Variants in FMNL3 observed in about 807,000 individuals in gnomAD.
The protein encoded by FMNL3 is formin-like protein 3.
FMNL3 carries 57 observed loss-of-function variants against 119.6 expected under a neutral mutation model. The observed-to-expected ratio is 0.48, with a 90% confidence interval of 0.39 to 0.59. FMNL3 has a LOEUF of 0.59. FMNL3 is among the 20% of genes least tolerant of loss of function. FMNL3 has a pLI of 0.00. For synonymous variants in FMNL3, 491 were observed against 507.3 expected, an observed-to-expected ratio of 0.97 and a Z score of 0.43; for missense variants, 1,053 against 1,323.5, an observed-to-expected ratio of 0.80 and a Z score of 3.17.
In FMNL3 at chr12:49,641,839, A is replaced by G. The variant is rs1286725289; in HGVS notation, c.*3976T>C. 5 of 1,320,958 alleles carry G rather than the reference A, an allele frequency of 3.8e-6. No individual in the cohort carries two copies. Among genetic ancestry groups the G allele is most frequent in the Non-Finnish European group, 5.4e-6 (5 of 921,202 alleles). 81.8% of individuals were successfully genotyped at this position (1,320,958 alleles called of 1,614,324 possible). On this transcript the variant is annotated 3_prime_UTR_variant, in exon 26 of 26. Transcript: ENST00000335154. ...GGCCTTCTTGACCATCTGTAATGTGACCACTCTGCCTGCCAGCTTTGGCCT... is the reference window on the plus strand; with the variant it reads ...GGCCTTCTTGACCATCTGTAATGTGGCCACTCTGCCTGCCAGCTTTGGCCT...
At chr12:49,668,120 G>T (rs1943940226) in intron 2 of FMNL3, among the ~76,000 whole-genome samples, 1 of 152,190 alleles carries the variant, frequency 6.6e-6, no homozygotes. Flanking sequence ...CCTGCTATTT[G>T]CCAGGGCTAA....
At chr12:49,646,690 G>C (rs1464022647) in intron 25 of FMNL3, 196 bp downstream of exon 25, 30 of 1,537,732 alleles carry the variant, frequency 2.0e-5, no homozygotes, top group African/African-American at 2.7e-5. Context: ...ATGGTGGGCT[G>C]CATCACAGAA....
At chr12:49,668,771 T>TAG (rs1943959636) in intron 1 of FMNL3, among the ~76,000 whole-genome samples, 1 of 152,218 alleles carries the variant, frequency 6.6e-6, no homozygotes, top group Non-Finnish European at 1.5e-5. Flanking sequence ...AGAATCAATT[T>TAG]AATCAGTCAA....
chr12:49,691,957 C>T (rs1300926396), intron 1 of FMNL3, among the ~76,000 whole-genome samples: 1 of 149,684 alleles, frequency 6.7e-6, no homozygotes, highest in Non-Finnish European at 1.5e-5. Flanking sequence ...ATTGTTTGAA[C>T]CCGGGAGGTG....
In FMNL3 at chr12:49,666,141, T is replaced by C; in HGVS notation, c.277A>G (p.Ser93Gly). ...TCATACTTCACCTTCCGAGTTACAC[T>C]GGGGTCCAAGAAGCTCTGGAGTTTC... Reference protein sequence around the residue: ...IQKLQSFLDPSVTRKKFRRRV... With the variant: ...IQKLQSFLDPGVTRKKFRRRV... Residue 93 changes from serine to glycine, a missense_variant, in exon 3 of 26, where the codon AGT becomes GGT. By Grantham distance (56) the Ser-to-Gly change is moderately conservative. This residue lies in a region of FMNL3 where 264 missense variants were observed against 265.5 expected (regional missense o/e 0.99). Coordinates refer to ENST00000335154, the MANE Select transcript of FMNL3 (RefSeq NM_175736.5). 1 of 1,614,070 alleles carries C rather than the reference T, an allele frequency of 6.2e-7. No individual in the cohort carries two copies. Among genetic ancestry groups the C allele is most frequent in the South Asian group, 1.1e-5 (1 of 91,074 alleles).
intron 1 of FMNL3, among the ~76,000 whole-genome samples, chr12:49,679,810 C>T (rs1944290536): frequency 6.6e-6 from 1 of 152,142 alleles, no homozygotes; most frequent in Admixed American, 6.5e-5. Flanking sequence ...CGTAAGCCAC[C>T]ACACCCAGTG....
chr12:49,658,485 A>T lies in FMNL3; in HGVS notation c.562T>A (p.Phe188Ile). The change falls in exon 6 of 26, where the codon TTC (phenylalanine) becomes ATC (isoleucine). Residue 188 changes from phenylalanine (F) to isoleucine (I), a missense_variant. Physicochemically the swap from Phe to Ile is conservative, Grantham distance 21. Around this residue, in one of 4 missense-constraint regions of FMNL3, gnomAD observed 264 missense variants for 265.5 expected, o/e 0.99. Coordinates refer to ENST00000335154, the MANE Select transcript of FMNL3 (RefSeq NM_175736.5). The part of the protein sequence containing the change: ...LQPPSALSAP[F>I]TNSLARSARQ... ...GCAGAGCGAGCGAGGCTGTTGGTGA[A>T]GGGGGCCGACAGGGCGCTGGGTGGC... 1 of 1,613,016 alleles carries T rather than the reference A, an allele frequency of 6.2e-7. No individual in the cohort carries two copies. Among genetic ancestry groups the T allele is most frequent in the Non-Finnish European group, 8.5e-7 (1 of 1,179,402 alleles).
At position 49,665,810 on chromosome 12, in the gene FMNL3, C is replaced by G. The variant is rs772971053; in HGVS notation, c.368+22G>C. The G allele has an allele frequency of 7.4e-6, 12 of 1,613,302 alleles. No individual in the cohort carries two copies. The East Asian group carries it at 2.4e-4, about 33-fold the overall frequency. ...AGCAGCCTGGGGCCAGATGAAGAGG[C>G]TATACGGCCAATCCAACTCACCCAA... On this transcript the variant is annotated intron_variant, in intron 4 of 25. Transcript: ENST00000335154.
rs1446930979 is a variant in FMNL3, at chr12:49,707,037, G to C, written c.126+18C>G. The C allele has an allele frequency of 3.8e-6, 6 of 1,566,386 alleles. No individual in the cohort carries two copies. The highest frequency in any genetic ancestry group is 1.2e-5 in the South Asian group (1 of 85,424). ...TGAGGGGCGGTACGCGGGGGAAGGG[G>C]CTGGGCTCAGCTCTCACCAGCACCA... On this transcript the variant is annotated intron_variant, in intron 1 of 25. Coordinates refer to ENST00000335154, the MANE Select transcript of FMNL3 (RefSeq NM_175736.5).
chr12:49,683,355 C>T (rs1944383080), intron 1 of FMNL3, among the ~76,000 whole-genome samples: 1 of 152,188 alleles, frequency 6.6e-6, no homozygotes, highest in South Asian at 2.1e-4. Flanking sequence ...GGCCTCATCA[C>T]TTTTCCTTCT....
intron 1 of FMNL3, among the ~76,000 whole-genome samples, chr12:49,674,758 C>G (rs1006351790): frequency 6.6e-6 from 1 of 152,202 alleles, no homozygotes; most frequent in African/African-American, 2.4e-5. Flanking sequence ...GGCTCGGAAC[C>G]ATGTCTGGAG....
At chr12:49,668,158 G>C (rs1299739071) in intron 2 of FMNL3, among the ~76,000 whole-genome samples, 1 of 152,154 alleles carries the variant, frequency 6.6e-6, no homozygotes, top group Non-Finnish European at 1.5e-5. Flanking sequence ...ACAGTCCTTT[G>C]AGCACCCTAC....
At chr12:49,656,621 T>C in intron 8 of FMNL3, 124 bp from the exon 9 acceptor site, 1 of 959,746 alleles carries the variant, frequency 1.0e-6, no homozygotes, top group Middle Eastern at 2.2e-4. Flanking sequence ...GGAGAGAGGG[T>C]GGGAGAAAGA....
intron 1 of FMNL3, among the ~76,000 whole-genome samples, chr12:49,695,239 T>C (rs1039109561): frequency 1.3e-5 from 2 of 152,160 alleles, no homozygotes; most frequent in African/African-American, 4.8e-5. Context: ...CCCATCATGG[T>C]TCCTCCCCTA....
intron 1 of FMNL3, among the ~76,000 whole-genome samples, chr12:49,703,215 T>C (rs1944956005): frequency 6.6e-6 from 1 of 152,200 alleles, no homozygotes; most frequent in Admixed American, 6.5e-5. Flanking sequence ...GACAGACAGC[T>C]ATCCTTTCAA....
At chr12:49,651,350 C>T (rs1475314098) in intron 15 of FMNL3, 32 bp downstream of exon 15, 8 of 1,589,362 alleles carry the variant, frequency 5.0e-6, no homozygotes, top group Non-Finnish European at 6.0e-6. Flanking sequence ...CCTGGTCCCA[C>T]CAGCCCTGCC....
intron 6 of FMNL3, 124 bp downstream of exon 6, chr12:49,658,318 A>C: frequency 7.4e-7 from 1 of 1,346,484 alleles, no homozygotes; most frequent in South Asian, 1.5e-5. Flanking sequence ...TGGCAGGCAG[A>C]GGGCAAGAGA....
rs559659260 is a variant in FMNL3, at chr12:49,700,371, G to A, written c.126+6684C>T. Reference sequence around the variant, plus strand: ...CGAGCCACTGCACTCCAGCCTGGGCGACAGAGTGAGAATCCGTCTCAAAAA... The same window carrying A: ...CGAGCCACTGCACTCCAGCCTGGGCAACAGAGTGAGAATCCGTCTCAAAAA... On this transcript the variant is annotated intron_variant, in intron 1 of 25. Transcript: ENST00000335154. 1.5e-3 allele frequency among the ~76,000 whole-genome samples: 200 copies of A among 130,784 alleles called. No individual in the cohort carries two copies. The Middle Eastern group carries it at 0.017, about 11-fold the overall frequency. 85.8% of individuals were successfully genotyped at this position (130,784 alleles called of 152,430 possible). A position where few individuals can be genotyped will look rare whatever the true frequency, so the allele number is the denominator to read the frequency against.
At chr12:49,694,274 G>A (rs898125222) in intron 1 of FMNL3, among the ~76,000 whole-genome samples, 2 of 152,130 alleles carry the variant, frequency 1.3e-5, no homozygotes, top group Non-Finnish European at 2.9e-5. Flanking sequence ...ATGGAGAAAG[G>A]ACAAGAAAAA....
Sources: allele counts gnomAD v4.1 joint callset (sites outside exome capture counted in the v4.1 genomes callset), GRCh38; gene constraint gnomAD v4.1.1; regional missense constraint gnomAD v4.1.1; transcripts MANE v1.5; gene names NCBI Gene and HGNC (gene_info 2026-07-23, HGNC 2026-07-21).